The following PTCH1 variants were observed in gnomAD, a reference collection of about 807,000 sequenced individuals.
PTCH1 encodes the protein patched 1.
PTCH1 carries 14 observed loss-of-function variants against 144.6 expected under a neutral mutation model. That is an observed-to-expected ratio of 0.10 (90% CI 0.06 to 0.15). The LOEUF is 0.15. Among genes scored for constraint, PTCH1 ranks in the 10% least tolerant of loss-of-function variants. The pLI, the probability that PTCH1 is intolerant of heterozygous loss-of-function variation, is 1.00. For missense variants in PTCH1, 1,623 were observed against 1,948.3 expected (o/e 0.83, Z 3.14); for synonymous variants, 833 against 793.6 (o/e 1.05, Z -0.83).
rs749283740 is a variant in PTCH1 at position 95,468,766 on chromosome 9, C to T, written c.2235G>A (p.Leu745=). The change falls in exon 14 of 24, where the codon TTG becomes TTA. Residue 745 remains leucine (L), a synonymous_variant. Coordinates refer to ENST00000331920, the MANE Select transcript of PTCH1 (RefSeq NM_000264.5). The stretch of plus-strand genomic sequence containing the variant: ...GGCAGATTACCTTGGCTTTTGGTTT[C>T]AAGAGGAAAGGAGCATAGTGCTTCT... The part of the protein sequence containing the change: ...FAEKHYAPFL[L]KPKAKVVVIF... The T allele has an allele frequency of 4.3e-6, 7 of 1,613,946 alleles. No homozygotes were observed. Among genetic ancestry groups the T allele is most frequent in the Non-Finnish European group, 5.9e-6 (7 of 1,180,042 alleles).
At chr9:95,471,742 A>G (rs555309979) in intron 12 of PTCH1, among the ~76,000 whole-genome samples, 4 of 152,280 alleles carry the variant, frequency 2.6e-5, no homozygotes, top group Non-Finnish European at 2.9e-5. Context: ...AGCAGGGTTT[A>G]TAAGATGAAA....
chr9:95,515,726 C>A lies in PTCH1; in HGVS notation c.3+743G>T, dbSNP rs866524424. Among the ~76,000 whole-genome samples the A allele has an allele frequency of 3.9e-5, 6 of 152,328 alleles. No individual in the cohort carries two copies. In the South Asian group the frequency reaches 1.0e-3, roughly 26 times the overall value. The stretch of plus-strand genomic sequence containing the variant: ...TCTGTAAGGGTGGCAGCCACCCAAG[C>A]GCCTGAATCGGTGGGCATAAGAGTC... On this transcript the variant is annotated intron_variant, in intron 1 of 22. Transcript: ENST00000430669.
Position 95,479,254 on chromosome 9 carries a change from T to C in PTCH1, c.1068-107A>G, listed in dbSNP as rs561485910. 3.6e-6 allele frequency: 5 copies of C among 1,407,640 alleles called. No individual in the cohort carries two copies. The African/African-American group carries it at 7.1e-5, about 20-fold the overall frequency. The allele number at this position is 1,407,640 out of a possible 1,614,324, so 87.2% of individuals were successfully genotyped here. A position where few individuals can be genotyped will look rare whatever the true frequency, so the allele number is the denominator to read the frequency against. On this transcript the variant is annotated intron_variant, in intron 7 of 23. Transcript: ENST00000331920. Reference sequence around the variant, plus strand: ...CCCAACTCACTGGCTGCAATTCTTTTCCTTCTCTGTGAGCACATGTTTCCA... The same window carrying C: ...CCCAACTCACTGGCTGCAATTCTTTCCCTTCTCTGTGAGCACATGTTTCCA...
chr9:95,488,569 A>C (rs945819835), intron 2 of PTCH1, among the ~76,000 whole-genome samples: 1 of 140,052 alleles, frequency 7.1e-6, no homozygotes, highest in Non-Finnish European at 1.5e-5. Flanking sequence ...ATTTTATCTG[A>C]CCAATAGCTG....
intron 14 of PTCH1, among the ~76,000 whole-genome samples, chr9:95,467,826 T>TG (rs1375138593): frequency 1.3e-5 from 2 of 151,908 alleles, no homozygotes; most frequent in African/African-American, 4.8e-5. Flanking sequence ...AGGCTGGTCT[T>TG]GAACTCCTGA....
At position 95,508,212 on chromosome 9, in the gene PTCH1, C is replaced by A. The variant is rs1172557603; in HGVS notation, c.150G>T (p.Leu50=). Reference sequence around the variant, plus strand: ...CGGCGTCGCAGTAGCTGGGCCGGTGCAGATAGTCCCGGTCCGGCGCGGCAG... The same window carrying A: ...CGGCGTCGCAGTAGCTGGGCCGGTGAAGATAGTCCCGGTCCGGCGCGGCAG... ...RRAAAPDRDY[L]HRPSYCDAAF... is the part of the protein sequence containing the mutation. The change falls in exon 1 of 24, where the codon CTG becomes CTT. Residue 50 remains leucine (L), a synonymous_variant. Coordinates refer to ENST00000331920, the MANE Select transcript of PTCH1 (RefSeq NM_000264.5). 2 of 1,611,992 alleles carry A rather than the reference C, an allele frequency of 1.2e-6. No individual in the cohort carries two copies. Among genetic ancestry groups the A allele is most frequent in the Admixed American group, 1.7e-5 (1 of 59,996 alleles).
chr9:95,495,480 G>C (rs1338627330), intron 2 of PTCH1: 1 of 151,832 alleles, frequency 6.6e-6, no homozygotes, highest in African/African-American at 2.4e-5. Flanking sequence ...AGTGGAGGTA[G>C]GGGGAGTAAG....
intron 1 of PTCH1, among the ~76,000 whole-genome samples, chr9:95,515,905 G>T (rs1844341642): frequency 6.6e-6 from 1 of 152,134 alleles, no homozygotes; most frequent in Non-Finnish European, 1.5e-5. Context: ...TCGAGAGCGG[G>T]TCTGCGGGGC....
At chr9:95,487,751 G>A (rs1043873275) in intron 2 of PTCH1, among the ~76,000 whole-genome samples, 11 of 152,102 alleles carry the variant, frequency 7.2e-5, no homozygotes, top group African/African-American at 2.2e-4. Flanking sequence ...CTGCCTCCTC[G>A]AACATCAGCA....
At chr9:95,507,080 C>G (rs1843729404) in intron 1 of PTCH1, 2 of 986,202 alleles carry the variant, frequency 2.0e-6, no homozygotes, top group Non-Finnish European at 2.4e-6. Flanking sequence ...ATTGCGGGTT[C>G]CCCCAACTGG....
chr9:95,453,137 A>G (rs773803425), intron 20 of PTCH1: 31 of 357,852 alleles, frequency 8.7e-5, no homozygotes, highest in Non-Finnish European at 1.6e-4. Context: ...GCTAATAACA[A>G]TATTTTTTTT....
chr9:95,501,154 T>C (rs1030455940), intron 2 of PTCH1, among the ~76,000 whole-genome samples: 2 of 152,228 alleles, frequency 1.3e-5, no homozygotes, highest in African/African-American at 4.8e-5. Flanking sequence ...AAAATCTTTT[T>C]ATCATCTAAA....
rs1267797789 is a variant in PTCH1, at chr9:95,446,201, G to A, written c.*192C>T. 1.6e-5 allele frequency: 6 copies of A among 374,728 alleles called. No individual in the cohort carries two copies. The highest frequency in any genetic ancestry group is 3.1e-5 in the Non-Finnish European group (6 of 191,110). The allele number at this position is 374,728 out of a possible 1,614,324, so 23.2% of individuals were successfully genotyped here. A position where few individuals can be genotyped will look rare whatever the true frequency, so the allele number is the denominator to read the frequency against. ...CATCCTTCCTTCCTATATTACACAT[G>A]TGTACATCTCTTAAATATTTATAGA... On this transcript the variant is annotated 3_prime_UTR_variant, in exon 24 of 24. Transcript: ENST00000331920.
At position 95,461,966 on chromosome 9, in the gene PTCH1, T is replaced by C. The variant is rs1186399866; in HGVS notation, c.2593A>G (p.Thr865Ala). The C allele has an allele frequency of 6.2e-7, 1 of 1,614,080 alleles. No homozygotes were observed. The highest frequency in any genetic ancestry group is 8.5e-7 in the Non-Finnish European group (1 of 1,180,026). ...LQDAFDSDWE[T>A]GKIMPNNYKN... is the part of the protein sequence containing the mutation. ...TAATTGTTTGGCATGATTTTCCCGGTTTCCCAGTCACTGTCAAATGCATCC... is the reference window on the plus strand; with the variant it reads ...TAATTGTTTGGCATGATTTTCCCGGCTTCCCAGTCACTGTCAAATGCATCC... The change falls in exon 16 of 24, where the codon ACC becomes GCC. Residue 865 changes from threonine (T) to alanine (A), a missense_variant. This residue lies in a region of PTCH1 where 504 missense variants were observed against 679.3 expected (regional missense o/e 0.74). Transcript: ENST00000331920.
At chr9:95,448,951 C>T in intron 22 of PTCH1, 118 bp downstream of exon 22, 1 of 1,416,306 alleles carries the variant, frequency 7.1e-7, no homozygotes, top group Non-Finnish European at 9.8e-7. Flanking sequence ...TGTACCTTAT[C>T]TCTGCATCCC....
chr9:95,508,423 C>T lies in PTCH1; in HGVS notation c.-62G>A, dbSNP rs1843926003. On this transcript the variant is annotated 5_prime_UTR_variant, in exon 1 of 24. Transcript: ENST00000331920. Reference sequence around the variant, plus strand: ...GCTTCCCGGGCGGCCCGGCGCGCTGCTGCCGCTGCTGCGGGCTCCTGGCGC... The same window carrying T: ...GCTTCCCGGGCGGCCCGGCGCGCTGTTGCCGCTGCTGCGGGCTCCTGGCGC... 3 of 1,048,358 alleles carry T rather than the reference C, an allele frequency of 2.9e-6. No homozygotes were observed. Among genetic ancestry groups the T allele is most frequent in the Admixed American group, 1.1e-4 (2 of 18,208 alleles). The allele number at this position is 1,048,358 out of a possible 1,614,324, so 64.9% of individuals were successfully genotyped here.
At chr9:95,484,088 G>C (rs1405403860) in intron 3 of PTCH1, 1 of 152,196 alleles carries the variant, frequency 6.6e-6, no homozygotes, top group Admixed American at 6.5e-5. Flanking sequence ...ACCCATCTCA[G>C]CTTAAGAGTG....
intron 9 of PTCH1, 134 bp downstream of exon 9, chr9:95,477,921 G>A (rs1841199445): frequency 2.6e-6 from 4 of 1,526,126 alleles, no homozygotes; most frequent in Non-Finnish European, 3.6e-6. Flanking sequence ...AAACCACTGT[G>A]AAGCCACGCT....
intron 18 of PTCH1, among the ~76,000 whole-genome samples, chr9:95,457,005 G>A (rs1052121942): frequency 6.6e-6 from 1 of 152,188 alleles, no homozygotes; most frequent in African/African-American, 2.4e-5. Flanking sequence ...ACGCTGTCAG[G>A]TTACAGGAGC....
Sources: gnomAD v4.1 joint callset for allele counts (sites outside exome capture counted in the v4.1 genomes callset) on GRCh38, gnomAD v4.1.1 for gene constraint, gnomAD v4.1.1 regional missense constraint, MANE v1.5 for transcripts, NCBI Gene and HGNC (gene_info 2026-07-23, HGNC 2026-07-21) for gene names.